Variants in CD274 observed in about 807,000 individuals in gnomAD.
CD274 encodes the protein CD274 molecule.
In CD274, 8 loss-of-function variants were observed where a neutral mutation model predicts 30.1. The ratio of observed to expected loss-of-function variants is 0.27; its 90% CI spans 0.16 to 0.48. The LOEUF (loss-of-function observed/expected upper bound fraction) is 0.48. Among genes scored for constraint, CD274 ranks in the 20% least tolerant of loss-of-function variants. The pLI is 0.99. For synonymous variants in CD274, 152 were observed against 124.6 expected (o/e 1.22, Z -1.46); for missense variants, 353 against 346.6 (o/e 1.02, Z -0.15).
chr9:5,469,729 A>G lies in CD274; in HGVS notation c.*1867A>G. On this transcript the variant is annotated 3_prime_UTR_variant, in exon 7 of 7. Coordinates refer to ENST00000381577, the MANE Select transcript of CD274 (RefSeq NM_014143.4). ...TTTAGACAACCACCATTTGTTAAGT[A>G]TTTGCTCTAGGACAGAGTTTGGATT... The G allele has an allele frequency of 4.3e-6, 1 of 232,658 alleles. No homozygotes were observed. The highest frequency in any genetic ancestry group is 8.5e-6 in the Non-Finnish European group (1 of 117,692). The allele number at this position is 232,658 out of a possible 1,614,324, so 14.4% of individuals were successfully genotyped here. A position where few individuals can be genotyped will look rare whatever the true frequency, so the allele number is the denominator to read the frequency against.
chr9:5,461,148 G>GT (rs915493293), intron 3 of CD274, among the ~76,000 whole-genome samples: 6 of 152,208 alleles, frequency 3.9e-5, no homozygotes, highest in African/African-American at 1.2e-4. Flanking sequence ...TGAGGTTTGT[G>GT]TTTTTTTATA....
chr9:5,453,143 T>C (rs1372476784), intron 1 of CD274, among the ~76,000 whole-genome samples: 2 of 152,228 alleles, frequency 1.3e-5, no homozygotes, highest in Non-Finnish European at 2.9e-5. Context: ...GCCATCGCTA[T>C]TCCACATCTA....
chr9:5,458,644 A>C (rs1028199065), intron 3 of CD274, among the ~76,000 whole-genome samples: 2 of 152,178 alleles, frequency 1.3e-5, no homozygotes, highest in African/African-American at 2.4e-5. Context: ...TCAAAAACAA[A>C]ATCATGTGGG....
chr9:5,462,538 G>C (rs986931130), intron 3 of CD274, among the ~76,000 whole-genome samples: 3 of 152,188 alleles, frequency 2.0e-5, no homozygotes, highest in Non-Finnish European at 2.9e-5. Context: ...TTACATAGTG[G>C]TGAAGTCTGG....
At chr9:5,454,054 A>G (rs1252995858) in intron 1 of CD274, among the ~76,000 whole-genome samples, 3 of 152,242 alleles carry the variant, frequency 2.0e-5, no homozygotes, top group Admixed American at 2.0e-4. Flanking sequence ...AACATAAAAA[A>G]TAAACGAATG....
intron 3 of CD274, 53 bp from the exon 4 acceptor site, chr9:5,462,781 T>A (rs2131222468): frequency 6.6e-7 from 1 of 1,514,322 alleles, no homozygotes; most frequent in African/African-American, 1.4e-5. Flanking sequence ...TCAAGCTATG[T>A]ACGTAGTTCT....
At position 5,467,570 on chromosome 9, in the gene CD274, C is replaced by T. The variant is rs112891947; in HGVS notation, c.851-270C>T. Among the ~76,000 whole-genome samples, 731 of 152,216 alleles carry T rather than the reference C, an allele frequency of 4.8e-3. 9 individuals carry two copies. Among genetic ancestry groups the T allele is most frequent in the African/African-American group, 0.016 (679 of 41,522 alleles). ...AGCTCAGGCAAGTTTCATTCTGTGG[C>T]CCATAGCATCATCTGTGTTGTAAAG... On this transcript the variant is annotated intron_variant, in intron 6 of 6. Coordinates refer to ENST00000381577, the MANE Select transcript of CD274 (RefSeq NM_014143.4).
intron 5 of CD274, 81 bp from the exon 6 acceptor site, chr9:5,466,689 A>G: frequency 1.9e-6 from 2 of 1,027,142 alleles, no homozygotes; most frequent in Non-Finnish European, 2.9e-6. Flanking sequence ...TGTTTCACAG[A>G]ACTTGAAATT....
chr9:5,460,872 T>C (rs923093387), intron 3 of CD274, among the ~76,000 whole-genome samples: 74 of 152,348 alleles, frequency 4.9e-4, no homozygotes, highest in African/African-American at 1.5e-3. Flanking sequence ...AAAATTTTAC[T>C]TTCTGTTAAT....
At chr9:5,453,103 T>C (rs552658149) in intron 1 of CD274, among the ~76,000 whole-genome samples, 1 of 152,196 alleles carries the variant, frequency 6.6e-6, no homozygotes, top group Non-Finnish European at 1.5e-5. Flanking sequence ...GCAGCCCCAT[T>C]TTAGCAAATG....
At chr9:5,457,468 T>C (rs772329447) in intron 3 of CD274, 48 bp downstream of exon 3, 124 of 1,479,680 alleles carry the variant, frequency 8.4e-5, no homozygotes, top group Non-Finnish European at 1.1e-4. Context: ...GAAAACATAT[T>C]CCAAGTGTTG....
Position 5,467,984 on chromosome 9 carries a change from A to T in CD274, c.*122A>T. 1.2e-6 allele frequency: 1 copy of T among 828,150 alleles called. No homozygotes were observed. Among genetic ancestry groups the T allele is most frequent in the Non-Finnish European group, 2.1e-6 (1 of 483,442 alleles). 51.3% of individuals were successfully genotyped at this position (828,150 alleles called of 1,614,324 possible). A position where few individuals can be genotyped will look rare whatever the true frequency, so the allele number is the denominator to read the frequency against. ...GTGGGATGCAGGCAATGTGGGACTT[A>T]AAAGGCCCAAGCACTGAAAATGGAA... On this transcript the variant is annotated 3_prime_UTR_variant, in exon 7 of 7. Transcript: ENST00000381577.
chr9:5,466,781 G>T lies in CD274; in HGVS notation c.802G>T (p.Asp268Tyr), dbSNP rs2131232910. 1 of 1,610,776 alleles carries T rather than the reference G, an allele frequency of 6.2e-7. No homozygotes were observed. The highest frequency in any genetic ancestry group is 1.1e-5 in the South Asian group (1 of 90,894). Reference sequence around the variant, plus strand: ...TTCTTTTTCTCAAGGGAGAATGATGGATGTGAAAAAATGTGGCATCCAAGA... The same window carrying T: ...TTCTTTTTCTCAAGGGAGAATGATGTATGTGAAAAAATGTGGCATCCAAGA... ...IFRLRKGRMM[D>Y]VKKCGIQDTN... Residue 268 changes from aspartate to tyrosine, a missense_variant, in exon 6 of 7, where the codon GAT becomes TAT. Physicochemically the swap from Asp to Tyr is radical, Grantham distance 160 (BLOSUM62 -3). Coordinates refer to ENST00000381577, the MANE Select transcript of CD274 (RefSeq NM_014143.4).
At chr9:5,457,729 A>G (rs571577834) in intron 3 of CD274, among the ~76,000 whole-genome samples, 1 of 152,202 alleles carries the variant, frequency 6.6e-6, no homozygotes, top group Non-Finnish European at 1.5e-5. Flanking sequence ...AATAATTCAG[A>G]TACTGTGGAA....
At chr9:5,451,846 T>A (rs909809805) in intron 1 of CD274, among the ~76,000 whole-genome samples, 1 of 150,880 alleles carries the variant, frequency 6.6e-6, no homozygotes, top group Non-Finnish European at 1.5e-5. Flanking sequence ...ACTTAAGAAT[T>A]TTTTTTTTGT....
chr9:5,463,860 T>A (rs1226147997), intron 4 of CD274, among the ~76,000 whole-genome samples: 1 of 152,102 alleles, frequency 6.6e-6, no homozygotes, highest in Non-Finnish European at 1.5e-5. Flanking sequence ...TATTTTTTTT[T>A]ATCTCACTAC....
At chr9:5,466,238 G>T (rs1414680727) in intron 5 of CD274, among the ~76,000 whole-genome samples, 1 of 152,162 alleles carries the variant, frequency 6.6e-6, no homozygotes, top group African/African-American at 2.4e-5. Flanking sequence ...TATGGAAGGG[G>T]ATTCCAATAG....
At position 5,450,612 on chromosome 9, in the gene CD274, C is replaced by G. The variant is rs1468174201; in HGVS notation, c.-15+16C>G. ...CCGCCTGCAGGTAGGGAGCGTTGTT[C>G]CTCCGCGGGTGCCCACGGCCCAGTA... On this transcript the variant is annotated intron_variant, in intron 1 of 6. Coordinates refer to ENST00000381577, the MANE Select transcript of CD274 (RefSeq NM_014143.4). 1.3e-5 allele frequency: 2 copies of G among 152,304 alleles called. No individual in the cohort carries two copies. The highest frequency in any genetic ancestry group is 2.9e-5 in the Non-Finnish European group (2 of 68,084). The allele number at this position is 152,304 out of a possible 1,614,324, so 9.4% of individuals were successfully genotyped here.
At chr9:5,450,735 G>T (rs1313253976) in intron 1 of CD274, 139 bp downstream of exon 1, 3 of 152,336 alleles carry the variant, frequency 2.0e-5, no homozygotes, top group Non-Finnish European at 2.9e-5. Flanking sequence ...GATGGTCTAG[G>T]GGGCAGTAGA....
Sources: allele counts gnomAD v4.1 joint callset (sites outside exome capture counted in the v4.1 genomes callset), GRCh38; gene constraint gnomAD v4.1.1; transcripts MANE v1.5; gene names NCBI Gene and HGNC (gene_info 2026-07-23, HGNC 2026-07-21).